DPY19L2: variants seen among roughly 807,000 people sequenced by gnomAD.
DPY19L2 encodes dpy-19 like 2, also known as probable C-mannosyltransferase DPY19L2.
DPY19L2 carries 34 observed loss-of-function variants against 97.9 expected under a neutral mutation model. The observed-to-expected ratio is 0.35, with a 90% confidence interval of 0.26 to 0.46. The LOEUF is 0.46. Ranked by LOEUF, DPY19L2 falls within the 20% of genes least tolerant of loss-of-function variation. The probability of loss-of-function intolerance (pLI) is 1.00; values close to 1 mark genes in which losing one functional copy is unlikely to be tolerated. For missense variants in DPY19L2, 623 were observed against 911.4 expected (o/e 0.68, Z 4.07); for synonymous variants, 230 against 307.9 (o/e 0.75, Z 2.65).
chr12:63,592,022 AGG>A (rs1883120940), intron 16 of DPY19L2, among the ~76,000 whole-genome samples: 1 of 4,328 alleles, frequency 2.3e-4, no homozygotes, highest in Non-Finnish European at 3.8e-4. Context: ...AGGGGAGGGG[AGG>A]GGAGGGGAGG....
chr12:63,655,761 G>A (rs1382362978), intron 4 of DPY19L2, among the ~76,000 whole-genome samples: 3 of 152,022 alleles, frequency 2.0e-5, no homozygotes, highest in South Asian at 2.1e-4. Flanking sequence ...TGGGTTTCAC[G>A]CCTTTCTCTA....
intron 2 of DPY19L2, among the ~76,000 whole-genome samples, chr12:63,664,559 A>T (rs1258641592): frequency 6.6e-6 from 1 of 152,114 alleles, no homozygotes; most frequent in African/African-American, 2.4e-5. Flanking sequence ...CTTTAGATCA[A>T]AGCAGACTTA....
intron 6 of DPY19L2, among the ~76,000 whole-genome samples, chr12:63,627,948 T>A (rs1464472810): frequency 6.6e-6 from 1 of 152,096 alleles, no homozygotes; most frequent in Non-Finnish European, 1.5e-5. Context: ...TTTAATAAAG[T>A]TTCACTCAGA....
intron 16 of DPY19L2, among the ~76,000 whole-genome samples, chr12:63,590,136 C>CAA (rs1367183961): frequency 2.8e-5 from 4 of 143,922 alleles, no homozygotes; most frequent in Non-Finnish European, 4.6e-5. Context: ...AACAAAACAA[C>CAA]AACAACAACA....
intron 16 of DPY19L2, among the ~76,000 whole-genome samples, chr12:63,587,685 G>A (rs1882042166): frequency 6.6e-6 from 1 of 151,662 alleles, no homozygotes; most frequent in African/African-American, 2.4e-5. Flanking sequence ...CGATTCTCCT[G>A]CCTCAGCCTC....
At chr12:63,640,754 T>G (rs1010007542) in intron 6 of DPY19L2, among the ~76,000 whole-genome samples, 47 of 152,192 alleles carry the variant, frequency 3.1e-4, no homozygotes, top group Admixed American at 2.0e-4. Flanking sequence ...CTAGCACCTC[T>G]TCGGTAGCCC....
intron 14 of DPY19L2, 107 bp from the exon 15 acceptor site, chr12:63,596,144 G>C (rs1192291040): frequency 1.1e-6 from 1 of 874,684 alleles, no homozygotes; most frequent in East Asian, 3.3e-5. Context: ...AAAAGTAAAA[G>C]GTTAAATTTC....
At chr12:63,628,383 C>G (rs1402747356) in intron 6 of DPY19L2, among the ~76,000 whole-genome samples, 1 of 152,134 alleles carries the variant, frequency 6.6e-6, no homozygotes, top group South Asian at 2.1e-4. Flanking sequence ...GTGCGCTTTT[C>G]CAACAGTCTT....
At chr12:63,565,124 T>A (rs1877401731) in intron 21 of DPY19L2, among the ~76,000 whole-genome samples, 1 of 152,314 alleles carries the variant, frequency 6.6e-6, no homozygotes, top group African/African-American at 2.4e-5. Context: ...TTTAAGTAAA[T>A]TTCTTGAAAG....
chr12:63,598,437 C>T (rs1367791821), intron 13 of DPY19L2, among the ~76,000 whole-genome samples: 1 of 152,074 alleles, frequency 6.6e-6, no homozygotes, highest in African/African-American at 2.4e-5. Flanking sequence ...ATTATACATA[C>T]GACTTTGATC....
At chr12:63,646,291 C>T (rs1021308292) in intron 5 of DPY19L2, among the ~76,000 whole-genome samples, 1 of 152,100 alleles carries the variant, frequency 6.6e-6, no homozygotes, top group Non-Finnish European at 1.5e-5. Context: ...TCATTTTCAC[C>T]ACTCAGACAG....
chr12:63,602,384 G>A (rs1220031912), intron 12 of DPY19L2, among the ~76,000 whole-genome samples: 5 of 152,130 alleles, frequency 3.3e-5, no homozygotes, highest in African/African-American at 1.2e-4. Flanking sequence ...AGAGAAAGAT[G>A]TGGGAAGTAT....
In DPY19L2 at chr12:63,622,904, A is replaced by G. The variant is rs571594959; in HGVS notation, c.953+1136T>C. ...GTGCCACTGCACTCCAGCCTGGGTG[A>G]CAGAGCAAGACCTCATCTCTAAATA... is the stretch of plus-strand genomic sequence containing the variant. On this transcript the variant is annotated intron_variant, in intron 8 of 21. Transcript: ENST00000324472. Among the ~76,000 whole-genome samples the G allele has an allele frequency of 2.8e-3, 429 of 152,296 alleles. 1 individual carries two copies. Among genetic ancestry groups the G allele is most frequent in the Non-Finnish European group, 4.5e-3 (303 of 68,014 alleles).
chr12:63,664,459 T>C (rs1896088187), intron 2 of DPY19L2, among the ~76,000 whole-genome samples: 1 of 152,180 alleles, frequency 6.6e-6, no homozygotes, highest in Non-Finnish European at 1.5e-5. Flanking sequence ...TGTTTGTTTT[T>C]TAAGTTTCAA....
chr12:63,612,068 G>C (rs552181411), intron 11 of DPY19L2, among the ~76,000 whole-genome samples: 2 of 152,012 alleles, frequency 1.3e-5, no homozygotes, highest in South Asian at 4.1e-4. Flanking sequence ...AGACGAAAGC[G>C]TAGGGATGTC....
intron 6 of DPY19L2, among the ~76,000 whole-genome samples, chr12:63,630,296 A>G (rs893931834): frequency 1.3e-5 from 2 of 152,174 alleles, no homozygotes; most frequent in Non-Finnish European, 2.9e-5. Flanking sequence ...GTCAAGACCC[A>G]TCAGTGTGCT....
At chr12:63,623,723 T>C (rs980011874) in intron 8 of DPY19L2, 6 of 225,860 alleles carry the variant, frequency 2.7e-5, no homozygotes, top group Admixed American at 9.9e-5. Context: ...TACATTTTTT[T>C]AGAGGGAGTC....
rs761658962 is a variant in DPY19L2, at chr12:63,617,364, C to T, written c.1158G>A (p.Leu386=). Residue 386 remains leucine (L), a synonymous_variant, in exon 11 of 22, where the codon TTG becomes TTA. Transcript: ENST00000324472. ...NMISVTLSFI[L]MFGNSMYLSS... ...ATAAGTACATTGAATTTCCAAACAT[C>T]AAAATGAAACTAAGGGTAACTGAAA... is the stretch of plus-strand genomic sequence containing the variant. 24 of 1,579,552 alleles carry T rather than the reference C, an allele frequency of 1.5e-5. No homozygotes were observed. Among genetic ancestry groups the T allele is most frequent in the Non-Finnish European group, 2.0e-5 (23 of 1,152,834 alleles).
rs559174753 is a variant in DPY19L2, at chr12:63,566,882, C to G, written c.2126+2342G>C. ...TTTTACTTTTACTTGACAAGTAATA[C>G]TTGTACATATTTATGGAGTATAGAG... On this transcript the variant is annotated intron_variant, in intron 21 of 21. Transcript: ENST00000324472. Among the ~76,000 whole-genome samples the G allele has an allele frequency of 3.3e-5, 5 of 152,070 alleles. No homozygotes were observed. The East Asian group carries it at 9.7e-4, about 29-fold the overall frequency.
Sources: gnomAD v4.1 joint callset for allele counts (sites outside exome capture counted in the v4.1 genomes callset) on GRCh38, gnomAD v4.1.1 for gene constraint, MANE v1.5 for transcripts, NCBI Gene and HGNC (gene_info 2026-07-23, HGNC 2026-07-21) for gene names.